BRIP1: variants seen among roughly 807,000 people sequenced by gnomAD.
BRIP1 encodes BRCA1 interacting DNA helicase 1.
Under a neutral mutation model 119.7 loss-of-function variants are expected in BRIP1, and 88 were observed. The ratio of observed to expected loss-of-function variants is 0.74; its 90% confidence interval spans 0.62 to 0.88. BRIP1 has a LOEUF of 0.88. Among genes scored for constraint, BRIP1 ranks in the 40% least tolerant of loss-of-function variants. The probability of loss-of-function intolerance (pLI) is 0.00; values close to 1 mark genes in which losing one functional copy is unlikely to be tolerated. For synonymous variants in BRIP1, 443 were observed against 496.5 expected (o/e 0.89, Z 1.43); for missense variants, 1,259 against 1,455.4 (o/e 0.87, Z 2.20).
intron 6 of BRIP1, among the ~76,000 whole-genome samples, chr17:61,826,731 T>TAA (rs58466965): frequency 0.013 from 948 of 75,320 alleles, 76 homozygotes; most frequent in African/African-American, 0.016. Flanking sequence ...TATTAAAAAG[T>TAA]AAAAAAAAAA....
chr17:61,683,642 T>C lies in BRIP1; in HGVS notation c.3404A>G (p.Glu1135Gly), dbSNP rs1235908208. ...ATCTGTATCTTCAGGATCATAAAGT[T>C]CAGGTGTAAAATAGATAGATTCATC... ...AEDESIYFTPELYDPEDTDEE... is the reference protein window; with the variant it reads ...AEDESIYFTPGLYDPEDTDEE... Residue 1135 changes from glutamate to glycine, a missense_variant, in exon 20 of 20, where the codon GAA becomes GGA. Glu to Gly is a moderately conservative substitution (Grantham distance 98, BLOSUM62 -2). Coordinates refer to ENST00000259008, the MANE Select transcript of BRIP1 (RefSeq NM_032043.3). The surrounding 1 kb of genome is among the most constrained non-coding windows in gnomAD (Gnocchi z 4.7). The C allele has an allele frequency of 1.9e-6, 3 of 1,612,842 alleles. No homozygotes were observed. Among genetic ancestry groups the C allele is most frequent in the Non-Finnish European group, 2.5e-6 (3 of 1,179,980 alleles).
At position 61,846,602 on chromosome 17, in the gene BRIP1, G is replaced by C. The variant is rs886319468; in HGVS notation, c.627+499C>G. Among the ~76,000 whole-genome samples the C allele has an allele frequency of 6.6e-6, 1 of 152,088 alleles. No homozygotes were observed. The highest frequency in any genetic ancestry group is 1.5e-5 in the Non-Finnish European group (1 of 68,008). ...GGGTTTCGCCATGTTGCCCAGGCTG[G>C]TTTCAAACTCGTGAACTCAAGTGAT... On this transcript the variant is annotated intron_variant, in intron 6 of 19. Transcript: ENST00000259008. This position sits in a 1 kb window ranked among gnomAD's most constrained non-coding sequence, Gnocchi z 4.3.
rs2077954483 is a variant in BRIP1 at position 61,799,307 on chromosome 17, A to G, written c.1141-8T>C. ...TTTCAGATTTAAATCCATCTATAAG[A>G]TAAAAGAATTTTCTTGTAAAACATT... On this transcript the variant is annotated splice_polypyrimidine_tract_variant and splice_region_variant and intron_variant, in intron 8 of 19. Transcript: ENST00000259008. This position sits in a 1 kb window ranked among gnomAD's most constrained non-coding sequence, Gnocchi z 5.1. 6.2e-7 allele frequency: 1 copy of G among 1,602,704 alleles called. No individual in the cohort carries two copies. The highest frequency in any genetic ancestry group is 8.5e-7 in the Non-Finnish European group (1 of 1,170,922).
At chr17:61,765,402 TA>T (rs2077347878) in intron 14 of BRIP1, among the ~76,000 whole-genome samples, 3 of 15,290 alleles carry the variant, frequency 2.0e-4, no homozygotes, top group East Asian at 1.3e-3. Flanking sequence ...TATATATATA[TA>T]TATATATATA....
chr17:61,691,126 A>G lies in BRIP1; in HGVS notation c.2575+2304T>C. On this transcript the variant is annotated intron_variant, in intron 18 of 19. Coordinates refer to ENST00000259008, the MANE Select transcript of BRIP1 (RefSeq NM_032043.3). This position sits in a 1 kb window ranked among gnomAD's most constrained non-coding sequence, Gnocchi z 5.0. ...GGGGAGGGATAGCATTAGGAGATATACCTAATGTAAACGACAAGTTAATGG... is the reference window on the plus strand; with the variant it reads ...GGGGAGGGATAGCATTAGGAGATATGCCTAATGTAAACGACAAGTTAATGG... 6.6e-6 allele frequency among the ~76,000 whole-genome samples: 1 copy of G among 152,056 alleles called. No homozygotes were observed. The highest frequency in any genetic ancestry group is 1.9e-4 in the East Asian group (1 of 5,180).
intron 6 of BRIP1, among the ~76,000 whole-genome samples, chr17:61,833,499 G>A (rs913159929): frequency 6.6e-6 from 1 of 152,010 alleles, no homozygotes; most frequent in Non-Finnish European, 1.5e-5. Flanking sequence ...GCGAAACCCT[G>A]TCTCTACTAA....
chr17:61,766,058 T>C (rs1316398107), intron 14 of BRIP1, among the ~76,000 whole-genome samples: 1 of 152,168 alleles, frequency 6.6e-6, no homozygotes, highest in South Asian at 2.1e-4. Flanking sequence ...GGTATTTTTA[T>C]ATAAGTGCAT....
chr17:61,780,728 A>AAACAACAAC lies in BRIP1; in HGVS notation c.1794+103_1794+111dup. ...GGGTGAAGAGCAAGACCCTGCCTCA[A>AAACAACAAC]AACAACAACAACAACAACAACAAAC... is the stretch of plus-strand genomic sequence containing the variant. On this transcript the variant is annotated intron_variant, in intron 12 of 19. Transcript: ENST00000259008. This position sits in a 1 kb window ranked among gnomAD's most constrained non-coding sequence, Gnocchi z 5.4. 7.6e-7 allele frequency: 1 copy of AAACAACAAC among 1,316,426 alleles called. No individual in the cohort carries two copies. The highest frequency in any genetic ancestry group is 1.1e-6 in the Non-Finnish European group (1 of 919,194). The allele number at this position is 1,316,426 out of a possible 1,614,324, so 81.5% of individuals were successfully genotyped here. A position where few individuals can be genotyped will look rare whatever the true frequency, so the allele number is the denominator to read the frequency against.
chr17:61,853,573 T>C lies in BRIP1; in HGVS notation c.379+3485A>G, dbSNP rs577098527. Among the ~76,000 whole-genome samples, 3 of 152,202 alleles carry C rather than the reference T, an allele frequency of 2.0e-5. No homozygotes were observed. Among genetic ancestry groups the C allele is most frequent in the Non-Finnish European group, 4.4e-5 (3 of 68,018 alleles). ...TCTAAATAACACTGACTCACAGTAATGTCAAAATCAAGTTGTGTACATATG... is the reference window on the plus strand; with the variant it reads ...TCTAAATAACACTGACTCACAGTAACGTCAAAATCAAGTTGTGTACATATG... On this transcript the variant is annotated intron_variant, in intron 4 of 19. Transcript: ENST00000259008. The surrounding 1 kb of genome is among the most constrained non-coding windows in gnomAD (Gnocchi z 4.3).
chr17:61,801,126 A>G (rs1353788647), intron 8 of BRIP1, 127 bp downstream of exon 8: 1 of 833,298 alleles, frequency 1.2e-6, no homozygotes, highest in Non-Finnish European at 1.9e-6. Context: ...CAGTACTCTA[A>G]TATGTTTACA....
Position 61,702,293 on chromosome 17 carries a change from G to A in BRIP1, c.2493-8781C>T, listed in dbSNP as rs1475794689. ...GTTTTAACTTTTATTTTAGTTTCAG[G>A]AATACATGTGCAGGTTTGTTATAGA... On this transcript the variant is annotated intron_variant, in intron 17 of 19. Transcript: ENST00000259008. Among the ~76,000 whole-genome samples the A allele has an allele frequency of 2.0e-5, 3 of 152,042 alleles. No homozygotes were observed. The East Asian group carries it at 5.8e-4, about 29-fold the overall frequency.
At chr17:61,826,454 A>AT (rs1354375335) in intron 6 of BRIP1, among the ~76,000 whole-genome samples, 1 of 152,298 alleles carries the variant, frequency 6.6e-6, no homozygotes, top group Admixed American at 6.5e-5. Context: ...CAAAGTAAAC[A>AT]GACAACCTAC....
chr17:61,766,395 G>C (rs888721034), intron 14 of BRIP1, among the ~76,000 whole-genome samples: 1 of 152,158 alleles, frequency 6.6e-6, no homozygotes, highest in Admixed American at 6.5e-5. Flanking sequence ...AGCCTCAATG[G>C]CATAATGATT....
Position 61,776,489 on chromosome 17 carries a change from A to G in BRIP1, c.2009T>C (p.Phe670Ser), listed in dbSNP as rs1555601107. The change falls in exon 14 of 20, where the codon TTT (phenylalanine) becomes TCT (serine). Residue 670 changes from phenylalanine to serine, a missense_variant. Physicochemically the swap from Phe to Ser is radical, Grantham distance 155. Around this residue, in one of 3 missense-constraint regions of BRIP1, gnomAD observed 753 missense variants for 891.8 expected, o/e 0.84. Coordinates refer to ENST00000259008, the MANE Select transcript of BRIP1 (RefSeq NM_032043.3). The surrounding 1 kb of genome is among the most constrained non-coding windows in gnomAD (Gnocchi z 5.0). ...TGCTCCCACTTCATCTTGGAACTCAAATGTTTCAGTATTCTGGAAGGTAGC... is the reference window on the plus strand; with the variant it reads ...TGCTCCCACTTCATCTTGGAACTCAGATGTTTCAGTATTCTGGAAGGTAGC... ...LCATFQNTET[F>S]EFQDEVGALL... 2 of 1,614,172 alleles carry G rather than the reference A, an allele frequency of 1.2e-6. No individual in the cohort carries two copies. Among genetic ancestry groups the G allele is most frequent in the Non-Finnish European group, 1.7e-6 (2 of 1,180,024 alleles).
At chr17:61,791,702 G>GC (rs2077820468) in intron 10 of BRIP1, among the ~76,000 whole-genome samples, 1 of 151,930 alleles carries the variant, frequency 6.6e-6, no homozygotes, top group African/African-American at 2.4e-5. Context: ...CATCACCCCT[G>GC]CCCCATGGAA....
At position 61,768,538 on chromosome 17, in the gene BRIP1, T is replaced by C. The variant is rs2077402975; in HGVS notation, c.2097+7863A>G. 6.6e-6 allele frequency among the ~76,000 whole-genome samples: 1 copy of C among 152,186 alleles called. No homozygotes were observed. Among genetic ancestry groups the C allele is most frequent in the Non-Finnish European group, 1.5e-5 (1 of 68,046 alleles). On this transcript the variant is annotated intron_variant, in intron 14 of 19. Coordinates refer to ENST00000259008, the MANE Select transcript of BRIP1 (RefSeq NM_032043.3). This position sits in a 1 kb window ranked among gnomAD's most constrained non-coding sequence, Gnocchi z 5.0. ...ATTATTATGTGCAGTTGTGATGCCT[T>C]TGCTACCTAAATTTCATAAATATCA...
At chr17:61,787,608 A>C (rs1214996791) in intron 10 of BRIP1, among the ~76,000 whole-genome samples, 1 of 151,192 alleles carries the variant, frequency 6.6e-6, no homozygotes, top group Non-Finnish European at 1.5e-5. Flanking sequence ...TCCTCCTTTA[A>C]GCAACAAAAC....
At chr17:61,837,483 C>T (rs779592417) in intron 6 of BRIP1, among the ~76,000 whole-genome samples, 7 of 152,084 alleles carry the variant, frequency 4.6e-5, no homozygotes, top group Non-Finnish European at 1.0e-4. Context: ...GCTACTGCTA[C>T]ATTAAATCAA....
Position 61,703,095 on chromosome 17 carries a change from C to T in BRIP1, c.2493-9583G>A, listed in dbSNP as rs2061641189. Among the ~76,000 whole-genome samples, 2 of 151,510 alleles carry T rather than the reference C, an allele frequency of 1.3e-5. No individual in the cohort carries two copies. Among genetic ancestry groups the T allele is most frequent in the South Asian group, 4.2e-4 (2 of 4,816 alleles). Reference sequence around the variant, plus strand: ...GTTTGTTTGTTTTGAGACAGAGTCTCACTCTATTGCCCAGGCTGAAGTGCA... The same window carrying T: ...GTTTGTTTGTTTTGAGACAGAGTCTTACTCTATTGCCCAGGCTGAAGTGCA... On this transcript the variant is annotated intron_variant, in intron 17 of 19. Coordinates refer to ENST00000259008, the MANE Select transcript of BRIP1 (RefSeq NM_032043.3). The surrounding 1 kb of genome is among the most constrained non-coding windows in gnomAD (Gnocchi z 5.0).
Sources: gnomAD v4.1 joint callset for allele counts (sites outside exome capture counted in the v4.1 genomes callset) on GRCh38, gnomAD v4.1.1 for gene constraint, gnomAD v4.1.1 regional missense constraint, Gnocchi (gnomAD v3.1) non-coding constraint, MANE v1.5 for transcripts, NCBI Gene and HGNC (gene_info 2026-07-23, HGNC 2026-07-21) for gene names.